CDH12: variants seen among roughly 807,000 people sequenced by gnomAD.
CDH12 encodes the protein cadherin 12, also known as cadherin-12.
In CDH12, 41 loss-of-function variants were observed where a neutral mutation model predicts 74.1. The ratio of observed to expected loss-of-function variants is 0.55; its 90% CI spans 0.43 to 0.72. The LOEUF (loss-of-function observed/expected upper bound fraction) is 0.72. CDH12 is among the 30% of genes least tolerant of loss of function. The pLI is 0.00. For missense variants in CDH12, 945 were observed against 977.2 expected (o/e 0.97, Z 0.44); for synonymous variants, 399 against 355.0 (o/e 1.12, Z -1.39).
intron 5 of CDH12, among the ~76,000 whole-genome samples, chr5:21,995,436 A>C (rs890226641): frequency 5.3e-5 from 8 of 151,958 alleles, no homozygotes; most frequent in Admixed American, 5.3e-4. Context: ...AAGTTAATTA[A>C]ATTTTAAACA....
At chr5:22,752,173 T>C (rs1018205841) in intron 1 of CDH12, among the ~76,000 whole-genome samples, 2 of 152,196 alleles carry the variant, frequency 1.3e-5, no homozygotes, top group Admixed American at 1.3e-4. Flanking sequence ...GTTTTAGTCA[T>C]AGATTTATAA....
chr5:22,014,047 T>G (rs1737455191), intron 5 of CDH12, among the ~76,000 whole-genome samples: 1 of 151,996 alleles, frequency 6.6e-6, no homozygotes, highest in Non-Finnish European at 1.5e-5. Flanking sequence ...GCCCACATGG[T>G]GAAAACCCAT....
chr5:22,564,249 T>C (rs1561493215), intron 1 of CDH12, among the ~76,000 whole-genome samples: 1 of 152,210 alleles, frequency 6.6e-6, no homozygotes, highest in Non-Finnish European at 1.5e-5. Flanking sequence ...ACTCACATTC[T>C]TACCTGAAAC....
At chr5:22,123,248 T>A (rs1487403731) in intron 4 of CDH12, among the ~76,000 whole-genome samples, 1 of 152,132 alleles carries the variant, frequency 6.6e-6, no homozygotes, top group Non-Finnish European at 1.5e-5. Context: ...AAGAAGACAG[T>A]CATCTATGAA....
chr5:22,116,566 A>G (rs1260966458), intron 4 of CDH12, among the ~76,000 whole-genome samples: 2 of 151,802 alleles, frequency 1.3e-5, no homozygotes, highest in Non-Finnish European at 2.9e-5. Flanking sequence ...GATCGTGCCA[A>G]TGCACTCCAG....
At chr5:21,882,552 T>C in intron 6 of CDH12, 1 of 1,254,084 alleles carries the variant, frequency 8.0e-7, no homozygotes, top group Non-Finnish European at 1.2e-6. Context: ...ACAACCTGTC[T>C]CGCCGCGCGC....
At chr5:22,552,890 G>A (rs1738638943) in intron 1 of CDH12, among the ~76,000 whole-genome samples, 1 of 152,108 alleles carries the variant, frequency 6.6e-6, no homozygotes. Context: ...CTTTTGAATG[G>A]TTTGGACAAG....
chr5:22,695,306 C>G (rs532696246), intron 1 of CDH12, among the ~76,000 whole-genome samples: 1 of 152,092 alleles, frequency 6.6e-6, no homozygotes, highest in Non-Finnish European at 1.5e-5. Context: ...AATAAACATA[C>G]GTTTGTATGT....
At chr5:22,198,074 T>C (rs1374914403) in intron 4 of CDH12, among the ~76,000 whole-genome samples, 3 of 151,994 alleles carry the variant, frequency 2.0e-5, no homozygotes, top group Non-Finnish European at 4.4e-5. Flanking sequence ...ATAATTTACT[T>C]ATAATTACAA....
At chr5:22,053,297 T>C (rs1740513317) in intron 5 of CDH12, among the ~76,000 whole-genome samples, 1 of 152,144 alleles carries the variant, frequency 6.6e-6, no homozygotes, top group Admixed American at 6.6e-5. Context: ...TCTCAAGTTA[T>C]AACCCATTCA....
chr5:22,818,295 T>A (rs1192531939), intron 1 of CDH12, among the ~76,000 whole-genome samples: 1 of 152,176 alleles, frequency 6.6e-6, no homozygotes, highest in Non-Finnish European at 1.5e-5. Context: ...TACTTTTCTG[T>A]CAGATTTTGC....
At chr5:21,984,547 C>A (rs1757434786) in intron 5 of CDH12, among the ~76,000 whole-genome samples, 1 of 152,188 alleles carries the variant, frequency 6.6e-6, no homozygotes, top group South Asian at 2.1e-4. Flanking sequence ...TTTAAACAGT[C>A]ACCAATCTTT....
At chr5:22,184,584 A>G (rs1749825282) in intron 4 of CDH12, among the ~76,000 whole-genome samples, 1 of 152,214 alleles carries the variant, frequency 6.6e-6, no homozygotes, top group Non-Finnish European at 1.5e-5. Flanking sequence ...ATGTATATGC[A>G]CGACAATGAA....
chr5:22,029,457 T>C (rs1738651759), intron 5 of CDH12, among the ~76,000 whole-genome samples: 1 of 151,518 alleles, frequency 6.6e-6, no homozygotes, highest in Non-Finnish European at 1.5e-5. Flanking sequence ...GCGAAGGATA[T>C]GAACAGACAC....
intron 1 of CDH12, among the ~76,000 whole-genome samples, chr5:22,786,668 G>T (rs1747640681): frequency 1.3e-5 from 2 of 152,102 alleles, no homozygotes; most frequent in South Asian, 4.2e-4. Context: ...AGGGGGTTGA[G>T]GAGAATAGAG....
chr5:21,777,610 C>T (rs1188575760), intron 11 of CDH12, among the ~76,000 whole-genome samples: 1 of 151,836 alleles, frequency 6.6e-6, no homozygotes, highest in Admixed American at 6.6e-5. Context: ...GCAACCTCCG[C>T]CTCCCGAGTA....
At chr5:22,370,000 G>A (rs1741208488) in intron 3 of CDH12, among the ~76,000 whole-genome samples, 1 of 151,872 alleles carries the variant, frequency 6.6e-6, no homozygotes, top group African/African-American at 2.4e-5. Context: ...CATGTTTTAT[G>A]TACTTAAAAA....
chr5:21,869,595 A>T (rs997962377), intron 6 of CDH12, among the ~76,000 whole-genome samples: 2 of 152,052 alleles, frequency 1.3e-5, no homozygotes, highest in African/African-American at 4.8e-5. Context: ...TTAGTCTTTA[A>T]GTATTGTTAA....
chr5:21,898,529 C>T (rs1327842335), intron 6 of CDH12, among the ~76,000 whole-genome samples: 5 of 151,894 alleles, frequency 3.3e-5, no homozygotes, highest in Admixed American at 6.6e-5. Flanking sequence ...GGTGAAACCC[C>T]GTCTCTACTA....
Sources: allele counts gnomAD v4.1 joint callset (sites outside exome capture counted in the v4.1 genomes callset), GRCh38; gene constraint gnomAD v4.1.1; transcripts MANE v1.5; gene names NCBI Gene and HGNC (gene_info 2026-07-23, HGNC 2026-07-21).